The following CMTM7 variants were observed in gnomAD, a reference collection of about 807,000 sequenced individuals.
CMTM7 encodes CKLF-like MARVEL transmembrane domain-containing protein 7.
A neutral mutation model predicts 19.3 loss-of-function variants in CMTM7; 7 were observed. The observed-to-expected ratio is 0.36, with a 90% CI of 0.21 to 0.68. CMTM7 has a LOEUF of 0.68. CMTM7 is among the 30% of genes least tolerant of loss of function. CMTM7 has a pLI of 0.60. For synonymous variants in CMTM7, 87 were observed against 99.3 expected (o/e 0.88, Z 0.74); for missense variants, 193 against 232.6 (o/e 0.83, Z 1.11).
chr3:32,454,159 C>A, intron 4 of CMTM7, 82 bp from the exon 5 acceptor site: 1 of 1,467,622 alleles, frequency 6.8e-7, no homozygotes, highest in Middle Eastern at 1.8e-4. Flanking sequence ...CTGAGCAGAA[C>A]TTGGAGTCAA....
At chr3:32,422,554 C>G (rs1696360919) in intron 1 of CMTM7, among the ~76,000 whole-genome samples, 1 of 152,228 alleles carries the variant, frequency 6.6e-6, no homozygotes, top group African/African-American at 2.4e-5. Context: ...GTGTATTTGG[C>G]CATCAGTAGA....
chr3:32,422,188 A>C (rs1696354544), intron 1 of CMTM7, among the ~76,000 whole-genome samples: 1 of 152,180 alleles, frequency 6.6e-6, no homozygotes, highest in African/African-American at 2.4e-5. Flanking sequence ...CATGCTTACA[A>C]ATCCCTTAAT....
intron 1 of CMTM7, among the ~76,000 whole-genome samples, chr3:32,424,201 C>T (rs1696390032): frequency 6.6e-6 from 1 of 152,180 alleles, no homozygotes; most frequent in Admixed American, 6.5e-5. Context: ...GGCTGGCGGC[C>T]TTATGGGCTG....
chr3:32,450,697 C>A, intron 3 of CMTM7, among the ~76,000 whole-genome samples: 1 of 152,204 alleles, frequency 6.6e-6, no homozygotes, highest in East Asian at 1.9e-4. Context: ...TGAAGCTTAA[C>A]ACCTGCCCAG....
Position 32,454,761 on chromosome 3 carries a change from G to A in CMTM7, c.*507G>A, listed in dbSNP as rs561516037. 6.5e-4 allele frequency: 184 copies of A among 283,774 alleles called. No homozygotes were observed. The highest frequency in any genetic ancestry group is 1.1e-3 in the Non-Finnish European group (150 of 141,120). The allele number at this position is 283,774 out of a possible 1,614,324, so 17.6% of individuals were successfully genotyped here. ...GTCAGCCTGTCCCCAAGGAGATCTTGTGTCTCCTCTCCATCTCTGCCTTTG... is the reference window on the plus strand; with the variant it reads ...GTCAGCCTGTCCCCAAGGAGATCTTATGTCTCCTCTCCATCTCTGCCTTTG... On this transcript the variant is annotated 3_prime_UTR_variant, in exon 5 of 5. Transcript: ENST00000334983.
chr3:32,411,896 G>C (rs1466689393), intron 1 of CMTM7, among the ~76,000 whole-genome samples: 4 of 151,940 alleles, frequency 2.6e-5, no homozygotes, highest in Non-Finnish European at 5.9e-5. Context: ...TCCAGGCTGA[G>C]ACCTAATGCA....
rs1447291515 is a variant in CMTM7, at chr3:32,449,645, G to A, written c.432+93G>A. ...GGGAAGAGAAGGGCTTGGTTTCTGG[G>A]GCATTCCCTTCATAGAATCAATACC... is the stretch of plus-strand genomic sequence containing the variant. On this transcript the variant is annotated intron_variant, in intron 3 of 4. Coordinates refer to ENST00000334983, the MANE Select transcript of CMTM7 (RefSeq NM_138410.4). This position sits in a 1 kb window ranked among gnomAD's most constrained non-coding sequence, Gnocchi z 4.5. The A allele has an allele frequency of 6.1e-6, 6 of 980,176 alleles. No individual in the cohort carries two copies. The East Asian group carries it at 1.2e-4, about 20-fold the overall frequency. 60.7% of individuals were successfully genotyped at this position (980,176 alleles called of 1,614,324 possible). A position where few individuals can be genotyped will look rare whatever the true frequency, so the allele number is the denominator to read the frequency against.
intron 1 of CMTM7, among the ~76,000 whole-genome samples, chr3:32,410,178 C>G (rs953925933): frequency 6.6e-6 from 1 of 152,118 alleles, no homozygotes; most frequent in Admixed American, 6.5e-5. Context: ...TCCTGTTTCC[C>G]GGTTCTGATT....
chr3:32,395,309 CT>C (rs894893910), intron 1 of CMTM7, among the ~76,000 whole-genome samples: 1 of 151,530 alleles, frequency 6.6e-6, no homozygotes, highest in African/African-American at 2.4e-5. Context: ...GCATGAGACT[CT>C]TTTTTTTAAT....
intron 1 of CMTM7, among the ~76,000 whole-genome samples, chr3:32,403,013 G>T (rs1696032835): frequency 6.6e-6 from 1 of 152,178 alleles, no homozygotes; most frequent in Non-Finnish European, 1.5e-5. Flanking sequence ...TGAATACTTT[G>T]TCTCTTTTTC....
chr3:32,424,227 G>T (rs1696391472), intron 1 of CMTM7, among the ~76,000 whole-genome samples: 1 of 152,136 alleles, frequency 6.6e-6, no homozygotes, highest in Non-Finnish European at 1.5e-5. Flanking sequence ...CCTACACATG[G>T]CCTCTCCAGT....
intron 2 of CMTM7, among the ~76,000 whole-genome samples, chr3:32,447,032 C>A (rs1021418183): frequency 6.6e-6 from 1 of 152,162 alleles, no homozygotes; most frequent in African/African-American, 2.4e-5. Flanking sequence ...GACCTTCCTT[C>A]TCCTTTAATA....
intron 1 of CMTM7, among the ~76,000 whole-genome samples, chr3:32,425,765 A>G (rs1178368852): frequency 6.6e-6 from 1 of 152,016 alleles, no homozygotes; most frequent in East Asian, 1.9e-4. Context: ...ACACCTTAGA[A>G]CTCCTTATAA....
At chr3:32,393,973 A>G (rs1695878222) in intron 1 of CMTM7, among the ~76,000 whole-genome samples, 1 of 152,138 alleles carries the variant, frequency 6.6e-6, no homozygotes, top group African/African-American at 2.4e-5. Flanking sequence ...AAAAAAGAGA[A>G]CAAAGACTTG....
intron 2 of CMTM7, among the ~76,000 whole-genome samples, chr3:32,443,674 A>G (rs1407115628): frequency 1.3e-5 from 2 of 152,186 alleles, no homozygotes; most frequent in African/African-American, 4.8e-5. Context: ...ACTGTTTTAC[A>G]TTCCCACCAG....
chr3:32,445,107 A>G (rs1696734713), intron 2 of CMTM7, among the ~76,000 whole-genome samples: 2 of 152,188 alleles, frequency 1.3e-5, no homozygotes, highest in Admixed American at 1.3e-4. Context: ...TTTCTAATAT[A>G]TTTTTAGTGG....
Position 32,453,657 on chromosome 3 carries a change from A to G in CMTM7, c.515-584A>G, listed in dbSNP as rs531667722. Among the ~76,000 whole-genome samples the G allele has an allele frequency of 1.1e-4, 16 of 152,302 alleles. No individual in the cohort carries two copies. The East Asian group carries it at 1.4e-3, about 13-fold the overall frequency. On this transcript the variant is annotated intron_variant, in intron 4 of 4. Coordinates refer to ENST00000334983, the MANE Select transcript of CMTM7 (RefSeq NM_138410.4). ...ATTCATAGAGACACAAGGTAGACCC[A>G]TGGCGGCCTGGGGCTGCTGGGAGAG...
intron 1 of CMTM7, among the ~76,000 whole-genome samples, chr3:32,426,152 A>T (rs1696429500): frequency 6.6e-6 from 1 of 152,166 alleles, no homozygotes; most frequent in Non-Finnish European, 1.5e-5. Context: ...TCTCAAAAAA[A>T]ACAAAAAAAC....
At chr3:32,412,035 CT>C (rs1696184750) in intron 1 of CMTM7, among the ~76,000 whole-genome samples, 1 of 152,168 alleles carries the variant, frequency 6.6e-6, no homozygotes, top group African/African-American at 2.4e-5. Context: ...ATAAAGTAGG[CT>C]TTTTGGTAGT....
Sources: allele counts gnomAD v4.1 joint callset (sites outside exome capture counted in the v4.1 genomes callset), GRCh38; gene constraint gnomAD v4.1.1; non-coding constraint Gnocchi (gnomAD v3.1); transcripts MANE v1.5; gene names NCBI Gene and HGNC (gene_info 2026-07-23, HGNC 2026-07-21).